Variants in CLASP2 observed in about 807,000 individuals in gnomAD.
CLASP2 encodes CLIP-associating protein 2.
Under a neutral mutation model 194.4 loss-of-function variants are expected in CLASP2, and 47 were observed. That is an observed-to-expected ratio of 0.24 (90% CI 0.19 to 0.31). The LOEUF is 0.31. Among genes scored for constraint, CLASP2 ranks in the 10% least tolerant of loss-of-function variants. The probability of loss-of-function intolerance (pLI) is 1.00; values close to 1 mark genes in which losing one functional copy is unlikely to be tolerated. For synonymous variants in CLASP2, 619 were observed against 633.5 expected, an observed-to-expected ratio of 0.98 and a Z score of 0.34; for missense variants, 1,445 against 1,823.6, an observed-to-expected ratio of 0.79 and a Z score of 3.78.
At chr3:33,701,333 C>CT (rs2092357517) in intron 1 of CLASP2, among the ~76,000 whole-genome samples, 1 of 152,178 alleles carries the variant, frequency 6.6e-6, no homozygotes, top group African/African-American at 2.4e-5. Context: ...AATGTGGGGG[C>CT]TGTAAGAGGC....
chr3:33,505,746 T>C (rs1337879778), intron 37 of CLASP2, among the ~76,000 whole-genome samples: 1 of 152,214 alleles, frequency 6.6e-6, no homozygotes, highest in Non-Finnish European at 1.5e-5. Context: ...TGTCATTCAA[T>C]GAGATGCCAC....
At chr3:33,702,424 C>A (rs898916052) in intron 1 of CLASP2, among the ~76,000 whole-genome samples, 1 of 152,004 alleles carries the variant, frequency 6.6e-6, no homozygotes, top group Non-Finnish European at 1.5e-5. Context: ...TGGATGAATG[C>A]GGACCACTAC....
rs567501643 is a variant in CLASP2, at chr3:33,542,711, T to C, written c.3404+722A>G. ...CATATATTCATTATATATTTAACAC[T>C]CCCCTATTTGTTATTTATATGTTTT... On this transcript the variant is annotated intron_variant, in intron 32 of 38. Coordinates refer to ENST00000682230, the MANE Select transcript of CLASP2 (RefSeq NM_001365631.1). Among the ~76,000 whole-genome samples, 600 of 151,382 alleles carry C rather than the reference T, an allele frequency of 4.0e-3. 3 individuals carry two copies. The highest frequency in any genetic ancestry group is 6.0e-3 in the Non-Finnish European group (404 of 67,800).
intron 35 of CLASP2, among the ~76,000 whole-genome samples, chr3:33,516,522 C>T (rs930909721): frequency 2.0e-5 from 3 of 151,878 alleles, no homozygotes; most frequent in Non-Finnish European, 4.4e-5. Context: ...ACAAAATTAG[C>T]CGGGGGTGGT....
In CLASP2 at chr3:33,496,459, TATAGTC is replaced by T. The variant is rs2045792823; in HGVS notation, c.*2166_*2171del. 1 of 152,212 alleles carries T rather than the reference TATAGTC, an allele frequency of 6.6e-6. No homozygotes were observed. Among genetic ancestry groups the T allele is most frequent in the African/African-American group, 2.4e-5 (1 of 41,462 alleles). The allele number at this position is 152,212 out of a possible 1,614,324, so 9.4% of individuals were successfully genotyped here. ...TAGTGATTTAAATAATCAGCTTTCTTATAGTCTTATCAACTGAGATTATAAAATTGT... is the reference window on the plus strand; with the variant it reads ...TAGTGATTTAAATAATCAGCTTTCTTTTATCAACTGAGATTATAAAATTGT... On this transcript the variant is annotated 3_prime_UTR_variant, in exon 39 of 39. Transcript: ENST00000682230.
At chr3:33,645,929 T>TATACACACAC (rs893744534) in intron 7 of CLASP2, among the ~76,000 whole-genome samples, 58 of 135,200 alleles carry the variant, frequency 4.3e-4, no homozygotes, top group Admixed American at 1.2e-3. Context: ...TCTCCCAGCA[T>TATACACACAC]ACACACACAC....
intron 5 of CLASP2, among the ~76,000 whole-genome samples, chr3:33,685,414 T>C (rs2090532388): frequency 6.6e-6 from 1 of 151,278 alleles, no homozygotes. Flanking sequence ...ATAATTATAT[T>C]AATACAAATT....
intron 34 of CLASP2, among the ~76,000 whole-genome samples, 157 bp from the exon 35 acceptor site, chr3:33,517,331 T>C (rs1042310619): frequency 2.6e-5 from 4 of 152,242 alleles, no homozygotes; most frequent in African/African-American, 4.8e-5. Context: ...TTTTCAATTT[T>C]GTCATTCCCA....
At chr3:33,567,594 A>C (rs907234678) in intron 26 of CLASP2, among the ~76,000 whole-genome samples, 1 of 152,220 alleles carries the variant, frequency 6.6e-6, no homozygotes, top group South Asian at 2.1e-4. Context: ...AATCTGCTGC[A>C]AACTCCTTAA....
intron 8 of CLASP2, chr3:33,644,551 T>C (rs1367711506): frequency 6.5e-6 from 4 of 617,108 alleles, no homozygotes; most frequent in Admixed American, 5.2e-5. Context: ...AGAGACTAAT[T>C]CACATACATT....
At chr3:33,571,302 C>T (rs1273760112) in intron 25 of CLASP2, among the ~76,000 whole-genome samples, 4 of 151,336 alleles carry the variant, frequency 2.6e-5, no homozygotes, top group East Asian at 2.0e-4. Flanking sequence ...CGTGACCCAC[C>T]GCGCCCGGCC....
intron 1 of CLASP2, among the ~76,000 whole-genome samples, chr3:33,714,750 A>AT (rs778327856): frequency 1.3e-5 from 2 of 151,080 alleles, no homozygotes; most frequent in South Asian, 4.2e-4. Context: ...CACTGTATTT[A>AT]TTTTTTTTTA....
At chr3:33,543,575 C>A in intron 31 of CLASP2, 36 bp from the exon 32 acceptor site, 1 of 1,296,898 alleles carries the variant, frequency 7.7e-7, no homozygotes. Context: ...TAACATATTA[C>A]AGGTAAGTTC....
intron 38 of CLASP2, among the ~76,000 whole-genome samples, chr3:33,500,699 A>G (rs2046652724): frequency 6.6e-6 from 1 of 152,140 alleles, no homozygotes; most frequent in Non-Finnish European, 1.5e-5. Context: ...CTTAATGTAA[A>G]GTGTGTTACC....
chr3:33,561,101 C>A (rs1393206196), intron 27 of CLASP2, 130 bp from the exon 28 acceptor site: 17 of 741,666 alleles, frequency 2.3e-5, no homozygotes, highest in Middle Eastern at 3.4e-4. Flanking sequence ...AGCGGAAAAA[C>A]AATCTCTCTT....
intron 27 of CLASP2, among the ~76,000 whole-genome samples, chr3:33,565,915 G>C (rs1202925451): frequency 6.6e-6 from 1 of 152,006 alleles, no homozygotes; most frequent in African/African-American, 2.4e-5. Context: ...TAGGCTATTA[G>C]TAGTTATGTT....
At chr3:33,513,421 A>T (rs1332225921) in intron 36 of CLASP2, among the ~76,000 whole-genome samples, 2 of 151,788 alleles carry the variant, frequency 1.3e-5, no homozygotes, top group African/African-American at 4.8e-5. Flanking sequence ...AATCCCAGCT[A>T]TTTGGGAGGC....
intron 24 of CLASP2, 124 bp downstream of exon 24, chr3:33,576,044 GT>G (rs2064809882): frequency 2.9e-6 from 2 of 686,466 alleles, no homozygotes; most frequent in African/African-American, 3.6e-5. Flanking sequence ...CACTGCCCAC[GT>G]TTTATCTTTA....
At chr3:33,567,769 C>T (rs1276480958) in intron 26 of CLASP2, among the ~76,000 whole-genome samples, 2 of 152,158 alleles carry the variant, frequency 1.3e-5, no homozygotes, top group African/African-American at 4.8e-5. Context: ...AGCAATCTAG[C>T]TCCACTATCC....
Sources: allele counts gnomAD v4.1 joint callset (sites outside exome capture counted in the v4.1 genomes callset), GRCh38; gene constraint gnomAD v4.1.1; transcripts MANE v1.5; gene names NCBI Gene and HGNC (gene_info 2026-07-23, HGNC 2026-07-21).